Variants in IGF2BP2 observed in about 807,000 individuals in gnomAD.
The protein encoded by IGF2BP2 is insulin-like growth factor 2 mRNA-binding protein 2.
A neutral mutation model predicts 75.8 loss-of-function variants in IGF2BP2; 17 were observed. The ratio of observed to expected loss-of-function variants is 0.22; its 90% CI spans 0.15 to 0.34. The LOEUF (loss-of-function observed/expected upper bound fraction) is 0.34, where lower values mean the gene tolerates loss of function less well. IGF2BP2 is among the 10% of genes least tolerant of loss of function. IGF2BP2 has a pLI of 1.00. For missense variants in IGF2BP2, 516 were observed against 772.4 expected (o/e 0.67, Z 3.93); for synonymous variants, 288 against 295.6 (o/e 0.97, Z 0.26).
intron 2 of IGF2BP2, among the ~76,000 whole-genome samples, chr3:185,783,141 T>G (rs1285518662): frequency 6.6e-6 from 1 of 152,216 alleles, no homozygotes; most frequent in African/African-American, 2.4e-5. Flanking sequence ...TATATATGAT[T>G]CACAGTTGAG....
chr3:185,750,936 G>A (rs1730878871), intron 2 of IGF2BP2, among the ~76,000 whole-genome samples: 1 of 152,200 alleles, frequency 6.6e-6, no homozygotes, highest in South Asian at 2.1e-4. Context: ...TTGCTTCCTG[G>A]CTGGGCGTGG....
At chr3:185,769,520 A>AG (rs1733578286) in intron 2 of IGF2BP2, among the ~76,000 whole-genome samples, 1 of 152,130 alleles carries the variant, frequency 6.6e-6, no homozygotes, top group Admixed American at 6.5e-5. Flanking sequence ...TGCATTTTAC[A>AG]GACAGAGAAA....
Position 185,645,270 on chromosome 3 carries a change from G to T in IGF2BP2, c.*261C>A. On this transcript the variant is annotated 3_prime_UTR_variant, in exon 16 of 16. Transcript: ENST00000382199. The surrounding 1 kb of genome is among the most constrained non-coding windows in gnomAD (Gnocchi z 4.9). ...GAGAGATCCGAGTGGATGGTGAAGT[G>T]GATGGCTGAAGCCTGCAGAAGCCCT... The T allele has an allele frequency of 1.9e-6, 1 of 534,832 alleles. No individual in the cohort carries two copies. Among genetic ancestry groups the T allele is most frequent in the South Asian group, 2.6e-5 (1 of 39,058 alleles). The allele number at this position is 534,832 out of a possible 1,614,324, so 33.1% of individuals were successfully genotyped here.
chr3:185,687,242 C>A lies in IGF2BP2; in HGVS notation c.678-51G>T, dbSNP rs941789440. On this transcript the variant is annotated intron_variant, in intron 6 of 15. Coordinates refer to ENST00000382199, the MANE Select transcript of IGF2BP2 (RefSeq NM_006548.6). ...GATTACAAGGTCATCTGGATAGGACCCTAGCCCCAAGAAAGCGTCACACCA... is the reference window on the plus strand; with the variant it reads ...GATTACAAGGTCATCTGGATAGGACACTAGCCCCAAGAAAGCGTCACACCA... The A allele has an allele frequency of 5.2e-6, 8 of 1,547,272 alleles. No homozygotes were observed. The African/African-American group carries it at 9.7e-5, about 19-fold the overall frequency.
At chr3:185,662,957 C>T (rs890591569) in intron 10 of IGF2BP2, among the ~76,000 whole-genome samples, 3 of 152,128 alleles carry the variant, frequency 2.0e-5, no homozygotes, top group Admixed American at 1.3e-4. Flanking sequence ...TGGGATTACA[C>T]GAGTGAGCCA....
chr3:185,728,852 C>T (rs554945498), intron 2 of IGF2BP2: 1 of 152,218 alleles, frequency 6.6e-6, no homozygotes, highest in African/African-American at 2.4e-5. Flanking sequence ...ATCCTCAAGA[C>T]CCTTTCAGGG....
At chr3:185,743,280 T>G (rs1729816304) in intron 2 of IGF2BP2, among the ~76,000 whole-genome samples, 1 of 152,132 alleles carries the variant, frequency 6.6e-6, no homozygotes, top group South Asian at 2.1e-4. Context: ...TTTTTTTATT[T>G]TTGTTTATTT....
intron 8 of IGF2BP2, 130 bp downstream of exon 8, chr3:185,675,658 AAAG>A: frequency 8.0e-7 from 1 of 1,248,212 alleles, no homozygotes; most frequent in Non-Finnish European, 1.1e-6. Context: ...TATTTTTTTA[AAAG>A]ATGATGGAGA....
rs965859517 is a variant in IGF2BP2 at position 185,703,990 on chromosome 3, G to A, written c.240-5643C>T. Among the ~76,000 whole-genome samples the A allele has an allele frequency of 2.0e-5, 3 of 152,230 alleles. No individual in the cohort carries two copies. In the South Asian group the frequency reaches 6.2e-4, roughly 32 times the overall value. On this transcript the variant is annotated intron_variant, in intron 2 of 15. Coordinates refer to ENST00000382199, the MANE Select transcript of IGF2BP2 (RefSeq NM_006548.6). ...GCTTGTAGGATTCCAGCTTCCATTG[G>A]AGAATTAGGCCAACTAGGAACTGGA...
intron 10 of IGF2BP2, among the ~76,000 whole-genome samples, chr3:185,661,990 G>A (rs1716520796): frequency 6.6e-6 from 1 of 152,104 alleles, no homozygotes; most frequent in African/African-American, 2.4e-5. Flanking sequence ...AGAAAGGAGG[G>A]CAGTGTGGTG....
At chr3:185,785,974 G>C (rs1578296286) in intron 2 of IGF2BP2, among the ~76,000 whole-genome samples, 1 of 152,176 alleles carries the variant, frequency 6.6e-6, no homozygotes, top group African/African-American at 2.4e-5. Flanking sequence ...GCTAAATGCA[G>C]GTATATTCAG....
At chr3:185,736,540 C>T (rs748043654) in intron 2 of IGF2BP2, among the ~76,000 whole-genome samples, 2 of 152,176 alleles carry the variant, frequency 1.3e-5, no homozygotes, top group Admixed American at 6.5e-5. Context: ...CCTACCCATG[C>T]GATGGCAACA....
At chr3:185,824,645 A>C in intron 1 of IGF2BP2, 138 bp downstream of exon 1, 1 of 470,112 alleles carries the variant, frequency 2.1e-6, no homozygotes. Flanking sequence ...GCGAGAGTTG[A>C]GGGTCTGGTG....
At chr3:185,793,335 G>A (rs1319205504) in intron 2 of IGF2BP2, among the ~76,000 whole-genome samples, 1 of 152,142 alleles carries the variant, frequency 6.6e-6, no homozygotes, top group Non-Finnish European at 1.5e-5. Context: ...GAATAAGGCT[G>A]CCACACAGGG....
intron 2 of IGF2BP2, among the ~76,000 whole-genome samples, chr3:185,794,677 T>C (rs1472958128): frequency 6.6e-6 from 1 of 151,196 alleles, no homozygotes; most frequent in Non-Finnish European, 1.5e-5. Flanking sequence ...CCCATAAAAT[T>C]TACTATTTTA....
intron 2 of IGF2BP2, among the ~76,000 whole-genome samples, chr3:185,792,103 C>T (rs563953868): frequency 6.6e-6 from 1 of 152,300 alleles, no homozygotes; most frequent in East Asian, 1.9e-4. Context: ...ATCCATCTTA[C>T]TAAAGATATT....
At chr3:185,744,180 G>A (rs1012119445) in intron 2 of IGF2BP2, among the ~76,000 whole-genome samples, 1 of 152,120 alleles carries the variant, frequency 6.6e-6, no homozygotes, top group African/African-American at 2.4e-5. Flanking sequence ...TTCCTATACA[G>A]TCTTATTTTA....
Position 185,647,067 on chromosome 3 carries a change from C to T in IGF2BP2, c.1665G>A (p.Glu555=), listed in dbSNP as rs752689122. The part of the protein sequence containing the change: ...VPRDQTPDEN[E]EVIVRIIGHF... ...GCCCGATAATTCTGACGATCACTTC[C>T]TCATTTTCATCTGGCGTTTGGTCAC... Residue 555 remains glutamate, a synonymous_variant, in exon 15 of 16, where the codon GAG becomes GAA. Coordinates refer to ENST00000382199, the MANE Select transcript of IGF2BP2 (RefSeq NM_006548.6). This position sits in a 1 kb window ranked among gnomAD's most constrained non-coding sequence, Gnocchi z 4.9. 6.2e-7 allele frequency: 1 copy of T among 1,614,144 alleles called. No homozygotes were observed. Among genetic ancestry groups the T allele is most frequent in the East Asian group, 2.2e-5 (1 of 44,876 alleles).
chr3:185,823,931 G>T (rs1323805269), intron 1 of IGF2BP2, among the ~76,000 whole-genome samples: 1 of 151,970 alleles, frequency 6.6e-6, no homozygotes, highest in Non-Finnish European at 1.5e-5. Flanking sequence ...CCCCCCGGTC[G>T]CCTCTTTCCC....
Sources: allele counts gnomAD v4.1 joint callset (sites outside exome capture counted in the v4.1 genomes callset), GRCh38; gene constraint gnomAD v4.1.1; non-coding constraint Gnocchi (gnomAD v3.1); transcripts MANE v1.5; gene names NCBI Gene and HGNC (gene_info 2026-07-23, HGNC 2026-07-21).